Variants in ELMO1 observed in about 807,000 individuals in gnomAD.
The protein encoded by ELMO1 is engulfment and cell motility protein 1.
A neutral mutation model predicts 98.9 loss-of-function variants in ELMO1; 26 were observed. The ratio of observed to expected loss-of-function variants is 0.26; its 90% CI spans 0.19 to 0.36. The LOEUF (loss-of-function observed/expected upper bound fraction) is 0.36, where lower values mean the gene tolerates loss of function less well. Among genes scored for constraint, ELMO1 ranks in the 10% least tolerant of loss-of-function variants. The probability of loss-of-function intolerance (pLI) is 1.00; values close to 1 mark genes in which losing one functional copy is unlikely to be tolerated. For missense variants in ELMO1, 627 were observed against 935.2 expected (o/e 0.67, Z 4.30); for synonymous variants, 346 against 346.0 (o/e 1.00, Z 0.00).
chr7:37,374,482 C>T (rs762333385), intron 1 of ELMO1, among the ~76,000 whole-genome samples: 9 of 152,298 alleles, frequency 5.9e-5, no homozygotes, highest in Admixed American at 1.3e-4. Context: ...CCGGGAGTGG[C>T]GGCTCATGCC....
At chr7:37,346,396 A>G (rs1329234702) in intron 1 of ELMO1, among the ~76,000 whole-genome samples, 1 of 152,182 alleles carries the variant, frequency 6.6e-6, no homozygotes, top group Non-Finnish European at 1.5e-5. Flanking sequence ...TATTAACCAT[A>G]GCAATGCCAA....
At chr7:37,011,311 C>A (rs1037587380) in intron 16 of ELMO1, among the ~76,000 whole-genome samples, 29 of 152,124 alleles carry the variant, frequency 1.9e-4, no homozygotes, top group African/African-American at 7.0e-4. Flanking sequence ...CCACAGGGAC[C>A]CTAGAGCTAT....
intron 10 of ELMO1, 56 bp downstream of exon 10, chr7:37,222,559 T>A: frequency 6.4e-7 from 1 of 1,554,024 alleles, no homozygotes; most frequent in Admixed American, 1.7e-5. Context: ...GGGCGTTCTC[T>A]GCACACAAAG....
intron 4 of ELMO1, among the ~76,000 whole-genome samples, chr7:37,292,793 G>A (rs1194234178): frequency 4.9e-4 from 50 of 101,666 alleles, no homozygotes; most frequent in African/African-American, 1.6e-3. Context: ...GGGAGGTGGG[G>A]GGGTCAGCCC....
At chr7:37,024,845 G>T (rs139070185) in intron 15 of ELMO1, among the ~76,000 whole-genome samples, 4 of 152,184 alleles carry the variant, frequency 2.6e-5, no homozygotes, top group African/African-American at 9.6e-5. Context: ...GGTTTAACTT[G>T]TGGTGAAATC....
At chr7:36,884,333 T>C (rs1318501969) in intron 18 of ELMO1, among the ~76,000 whole-genome samples, 1 of 150,076 alleles carries the variant, frequency 6.7e-6, no homozygotes, top group Non-Finnish European at 1.5e-5. Flanking sequence ...AAAAAAAATC[T>C]ATATTCTGAG....
At chr7:37,141,820 C>A (rs77544450) in intron 13 of ELMO1, among the ~76,000 whole-genome samples, 15 of 152,048 alleles carry the variant, frequency 9.9e-5, no homozygotes, top group Admixed American at 2.0e-4. Flanking sequence ...ATCAAACAAC[C>A]CACACTTTTC....
At chr7:36,973,834 G>A (rs987575197) in intron 16 of ELMO1, among the ~76,000 whole-genome samples, 4 of 152,224 alleles carry the variant, frequency 2.6e-5, no homozygotes, top group African/African-American at 7.2e-5. Flanking sequence ...GCCCGCACTC[G>A]GAGCAGCCGG....
intron 15 of ELMO1, among the ~76,000 whole-genome samples, chr7:37,069,710 T>C (rs1344832169): frequency 6.6e-6 from 1 of 152,226 alleles, no homozygotes; most frequent in Non-Finnish European, 1.5e-5. Context: ...ATACTAAAAG[T>C]TGATGAGAAA....
intron 16 of ELMO1, among the ~76,000 whole-genome samples, chr7:36,946,213 A>G (rs1261212946): frequency 2.0e-5 from 3 of 152,230 alleles, no homozygotes; most frequent in Admixed American, 6.5e-5. Context: ...TGCAAAGCCA[A>G]TATTTACCTG....
chr7:37,004,687 G>C (rs1274679684), intron 16 of ELMO1, among the ~76,000 whole-genome samples: 2 of 152,112 alleles, frequency 1.3e-5, no homozygotes, highest in Non-Finnish European at 2.9e-5. Context: ...ATTCACTCTT[G>C]GTCAAGACCA....
intron 16 of ELMO1, among the ~76,000 whole-genome samples, chr7:36,926,950 T>C (rs1785625007): frequency 6.6e-6 from 1 of 152,218 alleles, no homozygotes; most frequent in Non-Finnish European, 1.5e-5. Flanking sequence ...AAACAATAAT[T>C]AGCCTGATAA....
intron 14 of ELMO1, among the ~76,000 whole-genome samples, chr7:37,104,318 A>T (rs1784824570): frequency 6.6e-6 from 1 of 152,130 alleles, no homozygotes; most frequent in South Asian, 2.1e-4. Flanking sequence ...TGAAAAAAAA[A>T]AAAGAAAAGT....
At position 37,033,530 on chromosome 7, in the gene ELMO1, T is replaced by C. The variant is rs73119196; in HGVS notation, c.1301-20095A>G. 1,826 of 388,544 alleles carry C rather than the reference T, an allele frequency of 4.7e-3. 12 individuals are homozygous for C. The highest frequency in any genetic ancestry group is 5.7e-3 in the Middle Eastern group (7 of 1,232). The allele number at this position is 388,544 out of a possible 1,614,324, so 24.1% of individuals were successfully genotyped here. A position where few individuals can be genotyped will look rare whatever the true frequency, so the allele number is the denominator to read the frequency against. On this transcript the variant is annotated intron_variant, in intron 15 of 21. Transcript: ENST00000310758. ...AATACACCAAACAGACACTGGATTA[T>C]AACTTTCCAGCAAGCCAGCATTCCA...
At chr7:36,953,818 G>T (rs1246215720) in intron 16 of ELMO1, among the ~76,000 whole-genome samples, 1 of 148,886 alleles carries the variant, frequency 6.7e-6, no homozygotes, top group Non-Finnish European at 1.5e-5. Flanking sequence ...CTCCAGTTCT[G>T]GTACAGTGTA....
chr7:37,088,552 G>A (rs1007088151), intron 15 of ELMO1, among the ~76,000 whole-genome samples: 1 of 152,172 alleles, frequency 6.6e-6, no homozygotes, highest in Non-Finnish European at 1.5e-5. Context: ...GAATGATGAC[G>A]ATCATGACTG....
intron 16 of ELMO1, among the ~76,000 whole-genome samples, chr7:36,975,179 T>C (rs903703261): frequency 2.0e-5 from 3 of 152,142 alleles, no homozygotes; most frequent in Non-Finnish European, 2.9e-5. Context: ...CAGATGAAAT[T>C]TTTCATCAGG....
At chr7:36,924,648 T>C (rs940011654) in intron 16 of ELMO1, among the ~76,000 whole-genome samples, 3 of 152,188 alleles carry the variant, frequency 2.0e-5, no homozygotes, top group African/African-American at 4.8e-5. Flanking sequence ...AAATATTTCA[T>C]GACAAGTACA....
intron 1 of ELMO1, among the ~76,000 whole-genome samples, chr7:37,359,653 T>A (rs1389415848): frequency 1.3e-5 from 2 of 152,152 alleles, no homozygotes; most frequent in East Asian, 1.9e-4. Flanking sequence ...ATCTAGCCCA[T>A]CCGAAGGCAG....
Sources: allele counts gnomAD v4.1 joint callset (sites outside exome capture counted in the v4.1 genomes callset), GRCh38; gene constraint gnomAD v4.1.1; transcripts MANE v1.5; gene names NCBI Gene and HGNC (gene_info 2026-07-23, HGNC 2026-07-21).